Variants in SH3RF3 observed in about 807,000 individuals in gnomAD.
The protein encoded by SH3RF3 is SH3 domain containing ring finger 3, also known as E3 ubiquitin-protein ligase SH3RF3.
SH3RF3 carries 29 observed loss-of-function variants against 66.3 expected under a neutral mutation model. The ratio of observed to expected loss-of-function variants is 0.44; its 90% confidence interval spans 0.33 to 0.60. SH3RF3 has a LOEUF of 0.60. Among genes scored for constraint, SH3RF3 ranks in the 20% least tolerant of loss-of-function variants. The probability of loss-of-function intolerance (pLI) is 0.04; values close to 1 mark genes in which losing one functional copy is unlikely to be tolerated. For synonymous variants in SH3RF3, 583 were observed against 532.0 expected (o/e 1.10, Z -1.32); for missense variants, 1,194 against 1,190.9 (o/e 1.00, Z -0.04).
chr2:109,163,282 A>C (rs1234416662), intron 1 of SH3RF3, among the ~76,000 whole-genome samples: 1 of 152,084 alleles, frequency 6.6e-6, no homozygotes, highest in African/African-American at 2.4e-5. Flanking sequence ...TTCTTCTCTA[A>C]TGAAACAGGT....
At chr2:109,229,557 C>T (rs1404005542) in intron 1 of SH3RF3, among the ~76,000 whole-genome samples, 1 of 152,060 alleles carries the variant, frequency 6.6e-6, no homozygotes, top group East Asian at 1.9e-4. Flanking sequence ...GGGATGTGGG[C>T]TCTGAATTGG....
intron 9 of SH3RF3, among the ~76,000 whole-genome samples, chr2:109,499,234 G>C (rs532093987): frequency 6.6e-6 from 1 of 152,274 alleles, no homozygotes; most frequent in Admixed American, 6.5e-5. Flanking sequence ...CTCGGCGTCT[G>C]TGGAGATGGG....
chr2:109,234,866 A>G (rs1679607801), intron 1 of SH3RF3, among the ~76,000 whole-genome samples: 1 of 152,222 alleles, frequency 6.6e-6, no homozygotes, highest in African/African-American at 2.4e-5. Context: ...TCTAGTTGCC[A>G]CCTCAGATTC....
At chr2:109,152,390 G>A (rs1440985468) in intron 1 of SH3RF3, among the ~76,000 whole-genome samples, 1 of 152,144 alleles carries the variant, frequency 6.6e-6, no homozygotes, top group Non-Finnish European at 1.5e-5. Context: ...TAGCTGACAT[G>A]TACAGCAAAT....
rs1207530547 is a variant in SH3RF3, at chr2:109,446,059, A to T, written c.1829-3111A>T. Among the ~76,000 whole-genome samples the T allele has an allele frequency of 2.0e-5, 3 of 152,086 alleles. No homozygotes were observed. In the East Asian group the frequency reaches 5.8e-4, roughly 29 times the overall value. On this transcript the variant is annotated intron_variant, in intron 7 of 9. Transcript: ENST00000309415. ...ATCTGTCAGCTTGACTTCAAAGAAG[A>T]TGTGGGCTACTTTGGCATCACTAAC...
At chr2:109,495,403 ATCGTAGAGAGGCTT>A (rs1405854451) in intron 9 of SH3RF3, among the ~76,000 whole-genome samples, 1 of 147,646 alleles carries the variant, frequency 6.8e-6, no homozygotes, top group Non-Finnish European at 1.5e-5. Flanking sequence ...AGTATCAAGT[ATCGTAGAGAGGCTT>A]TGAGTAGACA....
intron 1 of SH3RF3, among the ~76,000 whole-genome samples, chr2:109,322,039 C>T (rs889574226): frequency 3.9e-5 from 6 of 152,012 alleles, no homozygotes; most frequent in African/African-American, 1.4e-4. Context: ...AATAAGTCAC[C>T]TTGGCAACTG....
At chr2:109,349,029 C>G (rs1682783499) in intron 2 of SH3RF3, among the ~76,000 whole-genome samples, 1 of 152,194 alleles carries the variant, frequency 6.6e-6, no homozygotes, top group African/African-American at 2.4e-5. Context: ...TTCTCTCTCT[C>G]TCTCTCTCAC....
At chr2:109,282,481 G>T (rs1680917786) in intron 1 of SH3RF3, among the ~76,000 whole-genome samples, 1 of 152,144 alleles carries the variant, frequency 6.6e-6, no homozygotes, top group Non-Finnish European at 1.5e-5. Context: ...AGGAAGGCCC[G>T]AGGGTCACCA....
chr2:109,354,948 T>C (rs1054732854), intron 2 of SH3RF3, among the ~76,000 whole-genome samples: 2 of 152,232 alleles, frequency 1.3e-5, no homozygotes, highest in African/African-American at 4.8e-5. Context: ...TATAGTTTTT[T>C]AGTAACCACT....
chr2:109,450,733 A>G (rs927474746), intron 8 of SH3RF3, among the ~76,000 whole-genome samples: 1 of 152,128 alleles, frequency 6.6e-6, no homozygotes, highest in Non-Finnish European at 1.5e-5. Flanking sequence ...CTCAGGGCCC[A>G]TGCACTGCCT....
At chr2:109,145,112 C>T (rs1238013751) in intron 1 of SH3RF3, among the ~76,000 whole-genome samples, 2 of 152,204 alleles carry the variant, frequency 1.3e-5, no homozygotes, top group African/African-American at 4.8e-5. Flanking sequence ...AGTCTTCCCT[C>T]ACCGGCTCTG....
chr2:109,188,120 A>T (rs1258314694), intron 1 of SH3RF3, among the ~76,000 whole-genome samples: 1 of 152,206 alleles, frequency 6.6e-6, no homozygotes, highest in African/African-American at 2.4e-5. Context: ...TCGGACATCT[A>T]ATGAGCATGG....
intron 2 of SH3RF3, among the ~76,000 whole-genome samples, chr2:109,360,830 A>G (rs904175709): frequency 6.6e-6 from 1 of 152,238 alleles, no homozygotes; most frequent in East Asian, 1.9e-4. Flanking sequence ...GTCTTATTGT[A>G]TTATCAAATA....
chr2:109,489,607 T>C (rs1001785344), intron 8 of SH3RF3, among the ~76,000 whole-genome samples: 7 of 152,140 alleles, frequency 4.6e-5, no homozygotes, highest in African/African-American at 1.4e-4. Flanking sequence ...TTGTCGGGGA[T>C]GGCCCGTCAG....
At chr2:109,206,685 G>T (rs1441835740) in intron 1 of SH3RF3, among the ~76,000 whole-genome samples, 1 of 151,946 alleles carries the variant, frequency 6.6e-6, no homozygotes, top group Admixed American at 6.6e-5. Flanking sequence ...GCATATTAGT[G>T]TATGCTTATA....
intron 1 of SH3RF3, among the ~76,000 whole-genome samples, chr2:109,241,073 T>C (rs1024857974): frequency 3.3e-5 from 5 of 152,210 alleles, no homozygotes; most frequent in African/African-American, 1.2e-4. Context: ...TTAAAATAAG[T>C]GGCCTTAGTA....
chr2:109,300,304 C>T (rs1018275090), intron 1 of SH3RF3, among the ~76,000 whole-genome samples: 13 of 152,208 alleles, frequency 8.5e-5, no homozygotes, highest in South Asian at 6.2e-4. Context: ...CTTAGCTTCC[C>T]GAGTAGCTGG....
chr2:109,427,924 C>T (rs79786385), intron 5 of SH3RF3, among the ~76,000 whole-genome samples: 18 of 152,344 alleles, frequency 1.2e-4, no homozygotes, highest in Middle Eastern at 6.8e-3. Context: ...TGCTCGCGCA[C>T]GCTCCTCTGA....
Sources: allele counts gnomAD v4.1 joint callset (sites outside exome capture counted in the v4.1 genomes callset), GRCh38; gene constraint gnomAD v4.1.1; transcripts MANE v1.5; gene names NCBI Gene and HGNC (gene_info 2026-07-23, HGNC 2026-07-21).